Variants in CDR2 observed in about 807,000 individuals in gnomAD.
CDR2 encodes the protein cerebellar degeneration-related protein 2.
Under a neutral mutation model 48.4 loss-of-function variants are expected in CDR2, and 34 were observed. The ratio of observed to expected loss-of-function variants is 0.70; its 90% CI spans 0.53 to 0.94. The LOEUF is 0.94. CDR2 is among the 40% of genes least tolerant of loss of function. CDR2 has a pLI of 0.00. For missense variants in CDR2, 498 were observed against 549.5 expected (o/e 0.91, Z 0.94); for synonymous variants, 240 against 219.7 (o/e 1.09, Z -0.82).
At chr16:22,349,133 T>G (rs537121213) in intron 4 of CDR2, 146 bp downstream of exon 4, 2 of 763,278 alleles carry the variant, frequency 2.6e-6, no homozygotes, top group Non-Finnish European at 4.3e-6. Context: ...GTAATTTATA[T>G]GTTTAAGTGA....
rs144391802 is a variant in CDR2, at chr16:22,348,902, A to G, written c.506+377T>C. 5.1e-4 allele frequency among the ~76,000 whole-genome samples: 77 copies of G among 152,360 alleles called. 2 individuals are homozygous for G. The highest frequency in any genetic ancestry group is 1.8e-3 in the African/African-American group (75 of 41,588). ...AAATACTTCTTAAAGATTCAGACTT[A>G]TAACTCTAAATTATAAAGGTACTTC... On this transcript the variant is annotated intron_variant, in intron 4 of 4. Transcript: ENST00000268383.
At chr16:22,368,447 T>C (rs1232515491) in intron 1 of CDR2, among the ~76,000 whole-genome samples, 2 of 152,226 alleles carry the variant, frequency 1.3e-5, no homozygotes, top group Non-Finnish European at 2.9e-5. Context: ...TGACCTCAAG[T>C]GATCCGCCCA....
At chr16:22,368,256 CTG>C (rs1326668686) in intron 1 of CDR2, among the ~76,000 whole-genome samples, 1 of 152,152 alleles carries the variant, frequency 6.6e-6, no homozygotes. Flanking sequence ...GTCACCCAGG[CTG>C]GAGGGCAGTG....
intron 2 of CDR2, among the ~76,000 whole-genome samples, chr16:22,360,875 G>A (rs567773052): frequency 7.5e-5 from 11 of 147,240 alleles, no homozygotes; most frequent in East Asian, 6.2e-4. Flanking sequence ...TCAGCCTCCC[G>A]AGTAGCTGGG....
chr16:22,346,779 G>C lies in CDR2; in HGVS notation c.*186C>G. The C allele has an allele frequency of 1.5e-6, 1 of 674,410 alleles. No individual in the cohort carries two copies. Among genetic ancestry groups the C allele is most frequent in the Non-Finnish European group, 2.6e-6 (1 of 390,844 alleles). 41.8% of individuals were successfully genotyped at this position (674,410 alleles called of 1,614,324 possible). A position where few individuals can be genotyped will look rare whatever the true frequency, so the allele number is the denominator to read the frequency against. On this transcript the variant is annotated 3_prime_UTR_variant, in exon 5 of 5. Transcript: ENST00000268383. ...TGGGATTTCCTGGGGAGCTTAAATG[G>C]AAGTGGATCAGAGAACTGATACCAC...
chr16:22,358,891 A>C (rs773189337), intron 2 of CDR2, among the ~76,000 whole-genome samples: 3 of 152,150 alleles, frequency 2.0e-5, no homozygotes, highest in Non-Finnish European at 4.4e-5. Flanking sequence ...ATTTTTTCAG[A>C]ATTTAAGTTC....
At chr16:22,365,360 G>A (rs996623132) in intron 1 of CDR2, among the ~76,000 whole-genome samples, 2 of 152,022 alleles carry the variant, frequency 1.3e-5, no homozygotes, top group African/African-American at 4.8e-5. Flanking sequence ...TTTTTGAATG[G>A]ACCCTTGAGC....
intron 2 of CDR2, among the ~76,000 whole-genome samples, chr16:22,353,517 C>T (rs1416318164): frequency 6.6e-6 from 1 of 152,128 alleles, no homozygotes; most frequent in Non-Finnish European, 1.5e-5. Context: ...GCGTCTTTGG[C>T]ATAAAAAGGT....
In CDR2 at chr16:22,370,668, T is replaced by C. The variant is rs80152389; in HGVS notation, c.79+3563A>G. Among the ~76,000 whole-genome samples, 10 of 152,304 alleles carry C rather than the reference T, an allele frequency of 6.6e-5. No homozygotes were observed. In the East Asian group the frequency reaches 1.7e-3, roughly 26 times the overall value. On this transcript the variant is annotated intron_variant, in intron 1 of 4. Coordinates refer to ENST00000268383, the MANE Select transcript of CDR2 (RefSeq NM_001802.2). ...AACTCAGCTCTCTGACAAAAGACAG[T>C]CTCTTCATCAAAGAGTTTTGTAACA... is the stretch of plus-strand genomic sequence containing the variant.
At chr16:22,372,003 T>C (rs1026147723) in intron 1 of CDR2, among the ~76,000 whole-genome samples, 1 of 152,046 alleles carries the variant, frequency 6.6e-6, no homozygotes, top group Non-Finnish European at 1.5e-5. Context: ...CCCGAGTAGC[T>C]GGGATTACAG....
At position 22,347,479 on chromosome 16, in the gene CDR2, T is replaced by G. The variant is rs755790090; in HGVS notation, c.851A>C (p.Lys284Thr). ...TTCCAGCAGGCTCTGGCTGGGCTCT[T>G]TGAAAGGAACATACAGAGAGTCTGG... ...LVPDSLYVPF[K>T]EPSQSLLEEM... Residue 284 changes from lysine (K) to threonine (T), a missense_variant, in exon 5 of 5, where the codon AAA becomes ACA. Physicochemically the swap from Lys to Thr is moderately conservative, Grantham distance 78. Transcript: ENST00000268383. The G allele has an allele frequency of 6.2e-7, 1 of 1,614,126 alleles. No individual in the cohort carries two copies. Among genetic ancestry groups the G allele is most frequent in the Admixed American group, 1.7e-5 (1 of 60,030 alleles).
chr16:22,363,685 C>G (rs1027293054), intron 2 of CDR2, among the ~76,000 whole-genome samples: 3 of 152,048 alleles, frequency 2.0e-5, no homozygotes, highest in African/African-American at 7.3e-5. Context: ...TCTACTGTAC[C>G]AATTTAAGGG....
intron 2 of CDR2, among the ~76,000 whole-genome samples, chr16:22,362,464 C>A (rs549860117): frequency 6.6e-5 from 10 of 152,324 alleles, no homozygotes; most frequent in African/African-American, 2.4e-4. Context: ...AATATTTACA[C>A]TTCTTTCAGC....
chr16:22,374,035 G>C (rs1421708247), intron 1 of CDR2, among the ~76,000 whole-genome samples, 196 bp downstream of exon 1: 1 of 152,248 alleles, frequency 6.6e-6, no homozygotes, highest in Admixed American at 6.5e-5. Context: ...CTGCGCATTA[G>C]CAAGGCCGTG....
At chr16:22,364,784 T>C in intron 2 of CDR2, 118 bp downstream of exon 2, 1 of 604,062 alleles carries the variant, frequency 1.7e-6, no homozygotes, top group Admixed American at 2.9e-5. Flanking sequence ...TCAAAAAAGT[T>C]TGTGTTAAAA....
chr16:22,366,446 G>C (rs2049045099), intron 1 of CDR2, among the ~76,000 whole-genome samples: 1 of 152,148 alleles, frequency 6.6e-6, no homozygotes, highest in South Asian at 2.1e-4. Flanking sequence ...GTGTGGATGT[G>C]GGAGGCTGAA....
chr16:22,355,655 G>A (rs2048970371), intron 2 of CDR2, among the ~76,000 whole-genome samples: 1 of 152,198 alleles, frequency 6.6e-6, no homozygotes, highest in African/African-American at 2.4e-5. Context: ...TTGTTCATCT[G>A]ACTTCTGAGA....
chr16:22,349,340 A>T lies in CDR2; in HGVS notation c.445T>A (p.Cys149Ser). 6.2e-7 allele frequency: 1 copy of T among 1,614,092 alleles called. No individual in the cohort carries two copies. The highest frequency in any genetic ancestry group is 8.5e-7 in the Non-Finnish European group (1 of 1,180,010). The change falls in exon 4 of 5, where the codon TGT (cysteine) becomes AGT (serine). Residue 149 changes from cysteine (C) to serine (S), a missense_variant. Physicochemically the swap from Cys to Ser is moderately radical, Grantham distance 112. Coordinates refer to ENST00000268383, the MANE Select transcript of CDR2 (RefSeq NM_001802.2). Reference sequence around the variant, plus strand: ...CTGGGTGCCGGTTTCTCCTGGTCACACTTTCCCGGGCTCCTTCTCCCTTGG... The same window carrying T: ...CTGGGTGCCGGTTTCTCCTGGTCACTCTTTCCCGGGCTCCTTCTCCCTTGG... ...SGQGRRSPGK[C>S]DQEKPAPSFA...
chr16:22,356,519 G>A (rs1286140398), intron 2 of CDR2, among the ~76,000 whole-genome samples: 5 of 152,162 alleles, frequency 3.3e-5, no homozygotes, highest in Admixed American at 2.0e-4. Context: ...TTGGGAGGCC[G>A]AGGCAGGTGG....
Sources: gnomAD v4.1 joint callset for allele counts (sites outside exome capture counted in the v4.1 genomes callset) on GRCh38, gnomAD v4.1.1 for gene constraint, MANE v1.5 for transcripts, NCBI Gene and HGNC (gene_info 2026-07-23, HGNC 2026-07-21) for gene names.